The following NBAS variants were observed in gnomAD, a reference collection of about 807,000 sequenced individuals.
NBAS encodes the protein NBAS subunit of NRZ tethering complex.
Under a neutral mutation model 302.5 loss-of-function variants are expected in NBAS, and 219 were observed. That is an observed-to-expected ratio of 0.72 (90% confidence interval 0.65 to 0.81). NBAS has a LOEUF of 0.81. Ranked by LOEUF, NBAS falls within the 30% of genes least tolerant of loss-of-function variation. NBAS has a pLI of 0.00. For synonymous variants in NBAS, 1,118 were observed against 1,021.6 expected (o/e 1.09, Z -1.80); for missense variants, 2,932 against 2,841.6 (o/e 1.03, Z -0.72).
chr2:15,294,796 T>C (rs1558510817), intron 40 of NBAS, among the ~76,000 whole-genome samples: 1 of 152,174 alleles, frequency 6.6e-6, no homozygotes, highest in Non-Finnish European at 1.5e-5. Flanking sequence ...GAGTTCCTAG[T>C]GCCCCAGATT....
chr2:14,930,377 A>G, the NBAS span, among the ~76,000 whole-genome samples: 2 of 152,216 alleles, frequency 1.3e-5, no homozygotes, highest in Non-Finnish European at 2.9e-5. Context: ...GAAGCATGGA[A>G]TAGGATGAGC....
intron 32 of NBAS, among the ~76,000 whole-genome samples, chr2:15,359,153 TTTG>T (rs1363263190): frequency 6.6e-6 from 1 of 152,100 alleles, no homozygotes; most frequent in Admixed American, 6.5e-5. Context: ...CATCCCCCTT[TTTG>T]TTAAGTTGGT....
chr2:14,966,457 G>A, the NBAS span, among the ~76,000 whole-genome samples: 1 of 152,132 alleles, frequency 6.6e-6, no homozygotes, highest in African/African-American at 2.4e-5. Flanking sequence ...AATCACACAT[G>A]ATCAAGTCCG....
At chr2:15,019,732 C>T in the NBAS span, among the ~76,000 whole-genome samples, 247 of 152,144 alleles carry the variant, frequency 1.6e-3, 4 homozygotes, top group African/African-American at 5.9e-3. Context: ...GGGTGGAGCC[C>T]TCATGAATGA....
the NBAS span, among the ~76,000 whole-genome samples, chr2:14,899,349 C>T: frequency 6.9e-6 from 1 of 143,948 alleles, no homozygotes; most frequent in African/African-American, 2.5e-5. Context: ...GCACACAGAA[C>T]CTTTTCACTA....
At chr2:15,316,975 G>C (rs913310510) in intron 38 of NBAS, among the ~76,000 whole-genome samples, 1 of 152,126 alleles carries the variant, frequency 6.6e-6, no homozygotes, top group Non-Finnish European at 1.5e-5. Flanking sequence ...TCCCAGTAGG[G>C]GCCAACAGAC....
At chr2:15,291,420 A>G (rs1393890206) in intron 41 of NBAS, among the ~76,000 whole-genome samples, 2 of 152,288 alleles carry the variant, frequency 1.3e-5, no homozygotes, top group African/African-American at 2.4e-5. Flanking sequence ...TAAGCACTCA[A>G]TAAATTGTGG....
chr2:15,042,654 A>G, the NBAS span, among the ~76,000 whole-genome samples: 1 of 152,166 alleles, frequency 6.6e-6, no homozygotes, highest in Non-Finnish European at 1.5e-5. Flanking sequence ...GGCTGTGAAG[A>G]CACTCTGCCC....
At chr2:15,383,026 T>C (rs1675117038) in intron 29 of NBAS, among the ~76,000 whole-genome samples, 189 bp downstream of exon 29, 1 of 152,034 alleles carries the variant, frequency 6.6e-6, no homozygotes, top group Non-Finnish European at 1.5e-5. Context: ...AGTGTTGCAA[T>C]GAAAAAAGAC....
the NBAS span, among the ~76,000 whole-genome samples, chr2:14,978,866 CT>C: frequency 2.0e-5 from 3 of 152,098 alleles, no homozygotes; most frequent in African/African-American, 4.8e-5. Flanking sequence ...CGATAAATAC[CT>C]TGTATCTTTA....
the NBAS span, among the ~76,000 whole-genome samples, chr2:15,033,378 A>G: frequency 6.6e-6 from 1 of 151,352 alleles, no homozygotes; most frequent in Non-Finnish European, 1.5e-5. Context: ...AGTTTCACCC[A>G]TAACTTATTT....
chr2:15,206,642 C>G (rs970537874), intron 48 of NBAS, among the ~76,000 whole-genome samples: 1 of 152,186 alleles, frequency 6.6e-6, no homozygotes, highest in African/African-American at 2.4e-5. Context: ...CTCTATGCAG[C>G]CTTGGACATG....
At chr2:15,543,421 T>C (rs1663947044) in intron 6 of NBAS, among the ~76,000 whole-genome samples, 2 of 152,250 alleles carry the variant, frequency 1.3e-5, no homozygotes, top group South Asian at 4.1e-4. Context: ...TTTCATGTCC[T>C]TCACAGCTCT....
the NBAS span, among the ~76,000 whole-genome samples, chr2:14,863,539 T>G: frequency 6.6e-6 from 1 of 152,124 alleles, no homozygotes; most frequent in Non-Finnish European, 1.5e-5. Context: ...TGTCGTAAGG[T>G]TGGTTAATCA....
chr2:14,998,353 A>G, the NBAS span, among the ~76,000 whole-genome samples: 306 of 152,346 alleles, frequency 2.0e-3, 1 homozygote, highest in African/African-American at 6.4e-3. Flanking sequence ...AGCTAAGCCC[A>G]CGGGTCTCCT....
intron 35 of NBAS, among the ~76,000 whole-genome samples, chr2:15,342,079 A>C (rs1672880308): frequency 6.6e-6 from 1 of 152,214 alleles, no homozygotes; most frequent in African/African-American, 2.4e-5. Context: ...GTGAGCATTT[A>C]CACAAAGTTA....
chr2:15,137,758 T>C, the NBAS span, among the ~76,000 whole-genome samples: 2 of 152,140 alleles, frequency 1.3e-5, no homozygotes, highest in African/African-American at 4.8e-5. Context: ...TGCTCACAAC[T>C]TTGAAAAGGG....
At chr2:14,859,578 T>C in the NBAS span, among the ~76,000 whole-genome samples, 293 of 152,092 alleles carry the variant, frequency 1.9e-3, 1 homozygote, top group African/African-American at 6.5e-3. Context: ...AGAACATGCA[T>C]TGGGGAAAGG....
At chr2:15,500,405 T>C (rs931662660) in intron 11 of NBAS, among the ~76,000 whole-genome samples, 16 of 151,694 alleles carry the variant, frequency 1.1e-4, no homozygotes, top group Non-Finnish European at 2.1e-4. Context: ...CCAGGCATTG[T>C]TTTACACTGT....
Sources: allele counts gnomAD v4.1 joint callset (sites outside exome capture counted in the v4.1 genomes callset), GRCh38; gene constraint gnomAD v4.1.1; transcripts MANE v1.5; gene names NCBI Gene and HGNC (gene_info 2026-07-23, HGNC 2026-07-21).